BMPR1A: variants seen among roughly 807,000 people sequenced by gnomAD.
The protein encoded by BMPR1A is bone morphogenetic protein receptor type-1A.
BMPR1A carries 7 observed loss-of-function variants against 66.0 expected under a neutral mutation model. The ratio of observed to expected loss-of-function variants is 0.11; its 90% CI spans 0.06 to 0.20. The LOEUF is 0.20. BMPR1A is among the 10% of genes least tolerant of loss of function. The pLI, the probability that BMPR1A is intolerant of heterozygous loss-of-function variation, is 1.00. For synonymous variants in BMPR1A, 200 were observed against 229.7 expected, an observed-to-expected ratio of 0.87 and a Z score of 1.17; for missense variants, 408 against 669.1, an observed-to-expected ratio of 0.61 and a Z score of 4.31.
chr10:86,800,521 A>G (rs576157707), intron 1 of BMPR1A, among the ~76,000 whole-genome samples: 2 of 152,286 alleles, frequency 1.3e-5, no homozygotes, highest in South Asian at 4.1e-4. Flanking sequence ...TCTCCCAAGT[A>G]GCTGGGATTA....
intron 7 of BMPR1A, among the ~76,000 whole-genome samples, chr10:86,910,829 G>A (rs2133533507): frequency 6.6e-6 from 1 of 152,256 alleles, no homozygotes; most frequent in South Asian, 2.1e-4. Context: ...AACCAGGCCA[G>A]GCACAGTGGG....
chr10:86,908,555 G>T lies in BMPR1A; in HGVS notation c.531-3685G>T, dbSNP rs1209488953. ...GCTGCTGTTCATTTGCTTCGAGTTG[G>T]GGTTTAGGTGCAGAAGGAAGGGTTT... On this transcript the variant is annotated intron_variant, in intron 7 of 12. Coordinates refer to ENST00000372037, the MANE Select transcript of BMPR1A (RefSeq NM_004329.3). 4.6e-5 allele frequency among the ~76,000 whole-genome samples: 7 copies of T among 152,154 alleles called. 1 individual carries two copies. In the East Asian group the frequency reaches 1.3e-3, roughly 29 times the overall value.
intron 8 of BMPR1A, among the ~76,000 whole-genome samples, 156 bp from the exon 9 acceptor site, chr10:86,916,978 G>A (rs779754786): frequency 6.6e-6 from 1 of 151,712 alleles, no homozygotes; most frequent in Non-Finnish European, 1.5e-5. Flanking sequence ...GGGTGACAGA[G>A]CGAGACTCCA....
intron 1 of BMPR1A, among the ~76,000 whole-genome samples, chr10:86,770,611 C>T (rs1841241969): frequency 6.6e-6 from 1 of 152,148 alleles, no homozygotes; most frequent in Non-Finnish European, 1.5e-5. Flanking sequence ...AGTCTCTCTC[C>T]TCCCTCCCCT....
Position 86,923,733 on chromosome 10 carries a change from G to C in BMPR1A, c.*14G>C. The C allele has an allele frequency of 6.2e-7, 1 of 1,612,434 alleles. No homozygotes were observed. The highest frequency in any genetic ancestry group is 8.5e-7 in the Non-Finnish European group (1 of 1,179,824). ...GTAAAAATCTGATGGTTAAACCATC[G>C]GAGGAGAAACTCTAGACTGCAAGAA... On this transcript the variant is annotated 3_prime_UTR_variant, in exon 13 of 13. Coordinates refer to ENST00000372037, the MANE Select transcript of BMPR1A (RefSeq NM_004329.3).
intron 1 of BMPR1A, among the ~76,000 whole-genome samples, chr10:86,802,078 C>T (rs1741279117): frequency 2.0e-5 from 3 of 152,086 alleles, no homozygotes; most frequent in Admixed American, 1.3e-4. Flanking sequence ...TTGTCTGCGT[C>T]GTTGAGGGCC....
chr10:86,789,715 G>GAA (rs71477603), intron 1 of BMPR1A, among the ~76,000 whole-genome samples: 2 of 132,718 alleles, frequency 1.5e-5, no homozygotes. Context: ...CTCTGTCTTA[G>GAA]AAAAAAAAAA....
intron 7 of BMPR1A, among the ~76,000 whole-genome samples, chr10:86,905,205 A>G (rs113838599): frequency 1.2e-4 from 18 of 152,202 alleles, no homozygotes; most frequent in African/African-American, 9.6e-5. Context: ...CTCAAAACCT[A>G]TACCTTCTCT....
At chr10:86,881,468 G>A (rs777999882) in intron 3 of BMPR1A, among the ~76,000 whole-genome samples, 2 of 152,150 alleles carry the variant, frequency 1.3e-5, no homozygotes, top group Non-Finnish European at 2.9e-5. Context: ...ATACTATGCC[G>A]ATTGAATTAG....
At chr10:86,780,447 T>G (rs957704861) in intron 1 of BMPR1A, among the ~76,000 whole-genome samples, 7 of 152,316 alleles carry the variant, frequency 4.6e-5, no homozygotes, top group South Asian at 2.1e-4. Context: ...CAAATCTTTT[T>G]TTTTTGAGAC....
chr10:86,836,839 C>T (rs899495852), intron 1 of BMPR1A, among the ~76,000 whole-genome samples: 2 of 151,854 alleles, frequency 1.3e-5, no homozygotes, highest in South Asian at 2.1e-4. Context: ...AGGCTGAGGC[C>T]GGAGGATTAT....
intron 1 of BMPR1A, among the ~76,000 whole-genome samples, chr10:86,795,180 T>G (rs1841689199): frequency 6.6e-6 from 1 of 152,078 alleles, no homozygotes. Flanking sequence ...CTTTATTTTT[T>G]TTTTTCTGTA....
intron 2 of BMPR1A, among the ~76,000 whole-genome samples, chr10:86,853,989 C>T (rs1243725133): frequency 1.3e-5 from 2 of 152,236 alleles, no homozygotes; most frequent in African/African-American, 4.8e-5. Flanking sequence ...TCCTAATAAG[C>T]CTGGGAGCGC....
intron 8 of BMPR1A, among the ~76,000 whole-genome samples, chr10:86,915,107 G>GACACAAAAGGCT (rs1271394244): frequency 2.0e-5 from 3 of 152,154 alleles, no homozygotes; most frequent in Admixed American, 2.0e-4. Context: ...AAAGAAGCCA[G>GACACAAAAGGCT]ACACAAAAGG....
chr10:86,875,940 A>G lies in BMPR1A; in HGVS notation c.-79A>G, dbSNP rs2133320164. The stretch of plus-strand genomic sequence containing the variant: ...ATCTTTTACAAGAAAATCTCACTGA[A>G]TGATAGTCATTTAAATTGGTGAAGT... On this transcript the variant is annotated 5_prime_UTR_variant, in exon 3 of 13. It removes an upstream start codon present in the reference 5' UTR. Transcript: ENST00000372037. 8.3e-7 allele frequency: 1 copy of G among 1,199,900 alleles called. No individual in the cohort carries two copies. The highest frequency in any genetic ancestry group is 1.2e-6 in the Non-Finnish European group (1 of 807,394). 74.3% of individuals were successfully genotyped at this position (1,199,900 alleles called of 1,614,324 possible). A position where few individuals can be genotyped will look rare whatever the true frequency, so the allele number is the denominator to read the frequency against.
At chr10:86,880,341 C>G (rs1050868205) in intron 3 of BMPR1A, among the ~76,000 whole-genome samples, 3 of 152,250 alleles carry the variant, frequency 2.0e-5, no homozygotes, top group Non-Finnish European at 2.9e-5. Flanking sequence ...CTGAGGCACT[C>G]TGCTCCTTTC....
chr10:86,865,165 C>T (rs1421102772), intron 2 of BMPR1A, among the ~76,000 whole-genome samples: 1 of 152,070 alleles, frequency 6.6e-6, no homozygotes, highest in African/African-American at 2.4e-5. Context: ...CCCTGCCCCA[C>T]CTTAACTGAT....
At chr10:86,908,149 A>G (rs564952301) in intron 7 of BMPR1A, among the ~76,000 whole-genome samples, 2 of 152,252 alleles carry the variant, frequency 1.3e-5, no homozygotes, top group South Asian at 4.2e-4. Context: ...GGTTGCAGTG[A>G]GCCAAGATCA....
chr10:86,915,758 C>A (rs965773961), intron 8 of BMPR1A, among the ~76,000 whole-genome samples: 1 of 152,028 alleles, frequency 6.6e-6, no homozygotes. Flanking sequence ...CAAAAGGATT[C>A]TATAATAAAT....
Sources: gnomAD v4.1 joint callset for allele counts (sites outside exome capture counted in the v4.1 genomes callset) on GRCh38, gnomAD v4.1.1 for gene constraint, MANE v1.5 for transcripts, NCBI Gene and HGNC (gene_info 2026-07-23, HGNC 2026-07-21) for gene names.